Variants in ASAP2 observed in about 807,000 individuals in gnomAD.
The protein encoded by ASAP2 is ArfGAP with SH3 domain, ankyrin repeat and PH domain 2.
Under a neutral mutation model 131.4 loss-of-function variants are expected in ASAP2, and 45 were observed. That is an observed-to-expected ratio of 0.34 (90% CI 0.27 to 0.44). ASAP2 has a LOEUF of 0.44. Among genes scored for constraint, ASAP2 ranks in the 20% least tolerant of loss-of-function variants. ASAP2 has a pLI of 1.00. For missense variants in ASAP2, 1,011 were observed against 1,297.0 expected (o/e 0.78, Z 3.39); for synonymous variants, 510 against 503.0 (o/e 1.01, Z -0.19).
At chr2:9,352,233 A>ACT (rs1224924306) in intron 12 of ASAP2, among the ~76,000 whole-genome samples, 1 of 151,380 alleles carries the variant, frequency 6.6e-6, no homozygotes, top group African/African-American at 2.4e-5. Context: ...ACACACACAC[A>ACT]CACACACACA....
chr2:9,245,118 C>T (rs1162195222), intron 1 of ASAP2, among the ~76,000 whole-genome samples: 3 of 152,184 alleles, frequency 2.0e-5, no homozygotes, highest in Non-Finnish European at 4.4e-5. Context: ...CTTTGTAGGA[C>T]TGCGGTAAGA....
chr2:9,227,671 T>C (rs1227433536), intron 1 of ASAP2, among the ~76,000 whole-genome samples: 1 of 152,228 alleles, frequency 6.6e-6, no homozygotes, highest in Non-Finnish European at 1.5e-5. Context: ...ATGAATGATC[T>C]TTCTGTAACC....
intron 12 of ASAP2, among the ~76,000 whole-genome samples, chr2:9,354,645 CAAA>C (rs566781964): frequency 4.1e-5 from 3 of 73,998 alleles, no homozygotes; most frequent in Admixed American, 1.6e-4. Context: ...GACTCCGTCT[CAAA>C]AAAAAAAAAA....
In ASAP2 at chr2:9,318,520, T is replaced by C; in HGVS notation, c.346-4T>C. On this transcript the variant is annotated splice_region_variant and splice_polypyrimidine_tract_variant and intron_variant, in intron 3 of 27. Transcript: ENST00000281419. The stretch of plus-strand genomic sequence containing the variant: ...AAGAATCTCCTTTTGTTTTTGTTTT[T>C]TAGATTCAGAATATGAACAACATAA... 6.2e-7 allele frequency: 1 copy of C among 1,611,352 alleles called. No individual in the cohort carries two copies. Among genetic ancestry groups the C allele is most frequent in the Non-Finnish European group, 8.5e-7 (1 of 1,177,570 alleles).
rs114056859 is a variant in ASAP2 at position 9,287,718 on chromosome 2, G to A, written c.199+8329G>A. Among the ~76,000 whole-genome samples the A allele has an allele frequency of 7.0e-3, 1,070 of 152,306 alleles. 12 individuals carry two copies. Among genetic ancestry groups the A allele is most frequent in the African/African-American group, 0.025 (1,030 of 41,566 alleles). On this transcript the variant is annotated intron_variant, in intron 2 of 27. Transcript: ENST00000281419. The stretch of plus-strand genomic sequence containing the variant: ...GGAAGTTATAGAGGGAGGTGAGGAC[G>A]TGGGCTCGAAGGCCCTGGAGATGTC...
rs1422485848 is a variant in ASAP2, at chr2:9,207,621, A to C, written c.126+391A>C. Among the ~76,000 whole-genome samples, 1 of 151,884 alleles carries C rather than the reference A, an allele frequency of 6.6e-6. No individual in the cohort carries two copies. Among genetic ancestry groups the C allele is most frequent in the African/African-American group, 2.4e-5 (1 of 41,368 alleles). On this transcript the variant is annotated intron_variant, in intron 1 of 27. Transcript: ENST00000281419. The surrounding 1 kb of genome is among the most constrained non-coding windows in gnomAD (Gnocchi z 4.1). ...CCTTATCAACTTGTTCTTGAAGTGG[A>C]CCGGCGGGGGCAGCTCCGCGCTCCG... is the stretch of plus-strand genomic sequence containing the variant.
intron 6 of ASAP2, among the ~76,000 whole-genome samples, chr2:9,324,874 A>G (rs1670382128): frequency 6.6e-6 from 1 of 152,162 alleles, no homozygotes. Flanking sequence ...CAGTTTGACA[A>G]TCTCTGCCTT....
At chr2:9,359,258 G>A (rs967798517) in intron 15 of ASAP2, among the ~76,000 whole-genome samples, 7 of 152,202 alleles carry the variant, frequency 4.6e-5, no homozygotes, top group Non-Finnish European at 1.0e-4. Flanking sequence ...TATCACCAGC[G>A]ATTTCTGACA....
chr2:9,335,124 A>G lies in ASAP2; in HGVS notation c.794A>G (p.Gln265Arg). The change falls in exon 9 of 28, where the codon CAG (glutamine) becomes CGG (arginine). Residue 265 changes from glutamine (Q) to arginine (R), a missense_variant. Around this residue, in one of 2 missense-constraint regions of ASAP2, gnomAD observed 359 missense variants for 598.1 expected, o/e 0.60. Coordinates refer to ENST00000281419, the MANE Select transcript of ASAP2 (RefSeq NM_003887.3). ...CAGGCCCAGGATGAAGAAAGAAGGCAGTTGATACAGCTTCGAGATATTTTG... is the reference window on the plus strand; with the variant it reads ...CAGGCCCAGGATGAAGAAAGAAGGCGGTTGATACAGCTTCGAGATATTTTG... ...IKQAQDEERRQLIQLRDILKS... is the reference protein window; with the variant it reads ...IKQAQDEERRRLIQLRDILKS... 6.2e-7 allele frequency: 1 copy of G among 1,614,184 alleles called. No individual in the cohort carries two copies. The highest frequency in any genetic ancestry group is 8.5e-7 in the Non-Finnish European group (1 of 1,180,036).
chr2:9,270,849 G>A (rs1166196243), intron 1 of ASAP2, among the ~76,000 whole-genome samples: 4 of 129,552 alleles, frequency 3.1e-5, no homozygotes, highest in African/African-American at 1.2e-4. Flanking sequence ...CTGGAGTGCA[G>A]TGGCGCGATC....
chr2:9,329,931 G>A (rs144689623), intron 7 of ASAP2, among the ~76,000 whole-genome samples: 1 of 152,164 alleles, frequency 6.6e-6, no homozygotes, highest in East Asian at 1.9e-4. Flanking sequence ...TTCCTCCTGT[G>A]TTGCCACCAC....
At position 9,392,931 on chromosome 2, in the gene ASAP2, G is replaced by A. The variant is rs992978930; in HGVS notation, c.2519-551G>A. 1.3e-5 allele frequency among the ~76,000 whole-genome samples: 2 copies of A among 152,132 alleles called. No individual in the cohort carries two copies. The highest frequency in any genetic ancestry group is 2.1e-4 in the South Asian group (1 of 4,828). On this transcript the variant is annotated intron_variant, in intron 23 of 27. Transcript: ENST00000281419. The surrounding 1 kb of genome is among the most constrained non-coding windows in gnomAD (Gnocchi z 4.0). ...CCCTTGACGAGAGCTCTTCCCCTCC[G>A]TGGGCCTCAGCCTCCTTGTCTGTAA...
chr2:9,339,526 A>G (rs1462133609), intron 9 of ASAP2, among the ~76,000 whole-genome samples: 13 of 151,718 alleles, frequency 8.6e-5, no homozygotes, highest in Non-Finnish European at 1.9e-4. Context: ...ATCTTAATAA[A>G]TATTAATAAA....
At chr2:9,256,162 CAA>C (rs71389235) in intron 1 of ASAP2, among the ~76,000 whole-genome samples, 144 of 86,820 alleles carry the variant, frequency 1.7e-3, no homozygotes, top group African/African-American at 4.7e-3. Flanking sequence ...GGGTCCCCTG[CAA>C]AAAAAAAAAA....
chr2:9,322,537 T>C (rs532941800), intron 5 of ASAP2, among the ~76,000 whole-genome samples: 1 of 150,924 alleles, frequency 6.6e-6, no homozygotes, highest in South Asian at 2.1e-4. Context: ...GTGGCTCTTC[T>C]TTGGATGTGC....
intron 11 of ASAP2, 28 bp downstream of exon 11, chr2:9,344,828 T>A (rs949075993): frequency 6.3e-6 from 10 of 1,595,216 alleles, no homozygotes; most frequent in Non-Finnish European, 8.6e-6. Context: ...ATCCATGGTG[T>A]CTGCTGTATT....
At chr2:9,242,790 G>A (rs1367391339) in intron 1 of ASAP2, among the ~76,000 whole-genome samples, 1 of 152,150 alleles carries the variant, frequency 6.6e-6, no homozygotes, top group Non-Finnish European at 1.5e-5. Context: ...GCCGTCTGGG[G>A]AAGCATGATG....
intron 19 of ASAP2, among the ~76,000 whole-genome samples, chr2:9,379,269 G>T (rs895408711): frequency 6.6e-6 from 1 of 152,204 alleles, no homozygotes; most frequent in African/African-American, 2.4e-5. Context: ...GACTTTGGGC[G>T]CGTTTACAGG....
intron 1 of ASAP2, among the ~76,000 whole-genome samples, chr2:9,210,761 A>G (rs1261781059): frequency 2.0e-5 from 3 of 151,980 alleles, no homozygotes; most frequent in Admixed American, 2.0e-4. Context: ...TCACCGTGTT[A>G]GCCAGGATGG....
Sources: allele counts gnomAD v4.1 joint callset (sites outside exome capture counted in the v4.1 genomes callset), GRCh38; gene constraint gnomAD v4.1.1; regional missense constraint gnomAD v4.1.1; non-coding constraint Gnocchi (gnomAD v3.1); transcripts MANE v1.5; gene names NCBI Gene and HGNC (gene_info 2026-07-23, HGNC 2026-07-21).